Variants in MYCBP2 observed in about 807,000 individuals in gnomAD.
MYCBP2 encodes MYC binding protein 2, also known as E3 ubiquitin-protein ligase MYCBP2.
MYCBP2 carries 120 observed loss-of-function variants against 525.3 expected under a neutral mutation model. The observed-to-expected ratio is 0.23, with a 90% CI of 0.20 to 0.27. The LOEUF is 0.27. Ranked by LOEUF, MYCBP2 falls within the 10% of genes least tolerant of loss-of-function variation. MYCBP2 has a pLI of 1.00. For missense variants in MYCBP2, 4,149 were observed against 5,657.1 expected (o/e 0.73, Z 8.55); for synonymous variants, 1,894 against 1,955.8 (o/e 0.97, Z 0.83).
Position 77,139,253 on chromosome 13 carries a change from T to A in MYCBP2, c.7602A>T (p.Glu2534Asp), listed in dbSNP as rs1337635160. 1 of 1,613,936 alleles carries A rather than the reference T, an allele frequency of 6.2e-7. No homozygotes were observed. The highest frequency in any genetic ancestry group is 1.3e-5 in the African/African-American group (1 of 75,036). ...KYVPNMNGYT[E>D]AWCLSFNQHL... ...GTTGATTAAAAGAGAGGCACCAGGC[T>A]TCAGTGTAACCATTCATGTTAGGGA... is the stretch of plus-strand genomic sequence containing the variant. Residue 2534 changes from glutamate (E) to aspartate (D), a missense_variant, in exon 52 of 83, where the codon GAA (glutamate) becomes GAT (aspartate). Glu to Asp is a conservative substitution (Grantham distance 45). Transcript: ENST00000544440.
intron 17 of MYCBP2, among the ~76,000 whole-genome samples, chr13:77,237,971 C>T (rs1417878741): frequency 4.6e-5 from 7 of 152,118 alleles, no homozygotes; most frequent in South Asian, 2.1e-4. Flanking sequence ...ATGCCGGACG[C>T]GGTGGCTCAC....
intron 72 of MYCBP2, among the ~76,000 whole-genome samples, chr13:77,065,546 C>T (rs1269656038): frequency 1.3e-5 from 2 of 152,158 alleles, no homozygotes; most frequent in Admixed American, 6.5e-5. Context: ...CTGTCCTCCA[C>T]ACTCCCAGAT....
chr13:77,203,128 T>C (rs962435694), intron 26 of MYCBP2, among the ~76,000 whole-genome samples: 6 of 152,114 alleles, frequency 3.9e-5, no homozygotes, highest in East Asian at 1.9e-4. Context: ...GACGACATGA[T>C]TGTATATCTA....
chr13:77,285,729 T>C (rs2076660540), intron 3 of MYCBP2, among the ~76,000 whole-genome samples: 1 of 151,324 alleles, frequency 6.6e-6, no homozygotes, highest in African/African-American at 2.4e-5. Context: ...CAGGTTTCAG[T>C]AAGCCAAGAT....
chr13:77,264,532 G>T (rs1199286820), intron 8 of MYCBP2, among the ~76,000 whole-genome samples: 1 of 152,056 alleles, frequency 6.6e-6, no homozygotes, highest in Non-Finnish European at 1.5e-5. Context: ...AGCATTTTTA[G>T]CATTTAGTGT....
intron 26 of MYCBP2, among the ~76,000 whole-genome samples, chr13:77,200,500 T>C (rs921830792): frequency 2.0e-5 from 3 of 151,998 alleles, no homozygotes; most frequent in African/African-American, 4.8e-5. Flanking sequence ...TTCCCCAATC[T>C]AGCAAGGCAG....
Position 77,190,284 on chromosome 13 carries a change from A to C in MYCBP2, c.4122T>G (p.Val1374=), listed in dbSNP as rs767580468. ...SSKKSNNGTD[V]NAGQIPQLLY... is the part of the protein sequence containing the mutation. ...ATAACTGAGGTATCTGACCCGCATT[A>C]ACATCTGTACCATTATTTGATTTCT... Residue 1374 remains valine, a synonymous_variant, in exon 29 of 83, where the codon GTT becomes GTG. Transcript: ENST00000544440. The C allele has an allele frequency of 1.8e-5, 29 of 1,609,452 alleles. No homozygotes were observed. Among genetic ancestry groups the C allele is most frequent in the Non-Finnish European group, 2.2e-5 (26 of 1,176,950 alleles).
In MYCBP2 at chr13:77,150,726, T is replaced by C. The variant is rs1238424322; in HGVS notation, c.7131+8A>G. 3 of 1,604,998 alleles carry C rather than the reference T, an allele frequency of 1.9e-6. No individual in the cohort carries two copies. The highest frequency in any genetic ancestry group is 2.7e-5 in the African/African-American group (2 of 74,704). On this transcript the variant is annotated splice_region_variant and intron_variant, in intron 47 of 82. Transcript: ENST00000544440. ...ACTAAAATTTTTCTGATAAGTAAAA[T>C]AAATTACCTTCATCATTGTTATGGC...
intron 47 of MYCBP2, among the ~76,000 whole-genome samples, chr13:77,148,213 T>C (rs2055916908): frequency 6.6e-6 from 1 of 152,036 alleles, no homozygotes; most frequent in Non-Finnish European, 1.5e-5. Flanking sequence ...GACAAATATT[T>C]ATTTCGGATA....
At chr13:77,316,149 T>A (rs976768492) in intron 1 of MYCBP2, among the ~76,000 whole-genome samples, 1 of 152,088 alleles carries the variant, frequency 6.6e-6, no homozygotes, top group Non-Finnish European at 1.5e-5. Context: ...AAAGACAATA[T>A]GATTATTTAC....
At position 77,211,214 on chromosome 13, in the gene MYCBP2, C is replaced by A; in HGVS notation, c.3369G>T (p.Leu1123=). Residue 1123 remains leucine, a synonymous_variant, in exon 23 of 83, where the codon CTG becomes CTT. Transcript: ENST00000544440. ...GATCAAGACACACACCAAATCCTTGCAGATCCTCTTGTTCTGAGTCATTAA... is the reference window on the plus strand; with the variant it reads ...GATCAAGACACACACCAAATCCTTGAAGATCCTCTTGTTCTGAGTCATTAA... ...KTFNDSEQED[L]QGFGVCLDPV... 1 of 1,537,106 alleles carries A rather than the reference C, an allele frequency of 6.5e-7. No individual in the cohort carries two copies. The highest frequency in any genetic ancestry group is 1.4e-5 in the African/African-American group (1 of 71,824).
At position 77,159,638 on chromosome 13, in the gene MYCBP2, T is replaced by C. The variant is rs1276591367; in HGVS notation, c.6598-1529A>G. 3.3e-5 allele frequency among the ~76,000 whole-genome samples: 5 copies of C among 152,186 alleles called. 1 individual carries two copies. The highest frequency in any genetic ancestry group is 5.9e-5 in the Non-Finnish European group (4 of 68,026). ...TTCCTTACAATATCTGGTTGTTTGA[T>C]AAGTGTGTAGGCCTTTCCCCTTCTC... On this transcript the variant is annotated intron_variant, in intron 44 of 82. Coordinates refer to ENST00000544440, the MANE Select transcript of MYCBP2 (RefSeq NM_015057.5).
At chr13:77,283,813 C>G (rs769585540) in intron 3 of MYCBP2, among the ~76,000 whole-genome samples, 37 of 152,210 alleles carry the variant, frequency 2.4e-4, no homozygotes, top group Non-Finnish European at 4.4e-4. Flanking sequence ...GGGATGATCA[C>G]TTGAGCCCAG....
At chr13:77,259,480 G>A (rs1394352086) in intron 13 of MYCBP2, among the ~76,000 whole-genome samples, 1 of 152,106 alleles carries the variant, frequency 6.6e-6, no homozygotes, top group African/African-American at 2.4e-5. Context: ...TCTACCCAGT[G>A]GATGTTAGCA....
intron 1 of MYCBP2, among the ~76,000 whole-genome samples, chr13:77,323,396 T>C (rs1345216491): frequency 6.6e-6 from 1 of 152,356 alleles, no homozygotes; most frequent in Non-Finnish European, 1.5e-5. Context: ...TTTTTGTTTC[T>C]TGAACACAAG....
rs900113636 is a variant in MYCBP2 at position 77,058,053 on chromosome 13, G to C, written c.13329+165C>G. ...GACGGGGTCTCACTGTGTTAGCCAG[G>C]ATGGTCTCGATCTCCTGACCTCGTG... On this transcript the variant is annotated intron_variant, in intron 78 of 82. Transcript: ENST00000544440. The surrounding 1 kb of genome is among the most constrained non-coding windows in gnomAD (Gnocchi z 4.1). Among the ~76,000 whole-genome samples, 6 of 152,012 alleles carry C rather than the reference G, an allele frequency of 3.9e-5. No individual in the cohort carries two copies. The highest frequency in any genetic ancestry group is 7.4e-5 in the Non-Finnish European group (5 of 67,996).
chr13:77,068,843 TAACACAG>T lies in MYCBP2; in HGVS notation c.11905-19_11905-13del. 6.2e-7 allele frequency: 1 copy of T among 1,611,062 alleles called. No homozygotes were observed. The highest frequency in any genetic ancestry group is 8.5e-7 in the Non-Finnish European group (1 of 1,178,848). On this transcript the variant is annotated splice_polypyrimidine_tract_variant and intron_variant, in intron 69 of 82. Transcript: ENST00000544440. ...ATATGAGCACACACCTATTTAAAGTTAACACAGAACATGTAAAAATATAGGGTTAGTT... is the reference window on the plus strand; with the variant it reads ...ATATGAGCACACACCTATTTAAAGTTAACATGTAAAAATATAGGGTTAGTT...
At chr13:77,065,963 A>G in intron 72 of MYCBP2, 29 bp downstream of exon 72, 1 of 1,561,856 alleles carries the variant, frequency 6.4e-7, no homozygotes, top group Non-Finnish European at 8.8e-7. Context: ...GCCGCACTTC[A>G]CTGCCAAAAC....
chr13:77,250,222 C>CA (rs34137754), intron 15 of MYCBP2, among the ~76,000 whole-genome samples: 78,876 of 124,966 alleles, frequency 0.63, 24,909 homozygotes, highest in Non-Finnish European at 0.74. Flanking sequence ...GACTCCGTCT[C>CA]AAAAAAAAAA....
Sources: allele counts gnomAD v4.1 joint callset (sites outside exome capture counted in the v4.1 genomes callset), GRCh38; gene constraint gnomAD v4.1.1; non-coding constraint Gnocchi (gnomAD v3.1); transcripts MANE v1.5; gene names NCBI Gene and HGNC (gene_info 2026-07-23, HGNC 2026-07-21).